Variants in SNED1 observed in about 807,000 individuals in gnomAD.
SNED1 encodes the protein sushi, nidogen and EGF like domains 1, also known as sushi, nidogen and EGF-like domain-containing protein 1.
Under a neutral mutation model 166.7 loss-of-function variants are expected in SNED1, and 81 were observed. The ratio of observed to expected loss-of-function variants is 0.49; its 90% CI spans 0.41 to 0.58. SNED1 has a LOEUF of 0.58. Among genes scored for constraint, SNED1 ranks in the 20% least tolerant of loss-of-function variants. The probability of loss-of-function intolerance (pLI) is 0.00; values close to 1 mark genes in which losing one functional copy is unlikely to be tolerated. For missense variants in SNED1, 1,604 were observed against 2,000.2 expected, an observed-to-expected ratio of 0.80 and a Z score of 3.78; for synonymous variants, 762 against 822.0, an observed-to-expected ratio of 0.93 and a Z score of 1.25.
In SNED1 at chr2:241,078,618, G is replaced by A. The variant is rs370927618; in HGVS notation, c.3917-3059G>A. Among the ~76,000 whole-genome samples the A allele has an allele frequency of 3.2e-4, 48 of 151,810 alleles. 1 individual carries two copies. In the East Asian group the frequency reaches 5.4e-3, roughly 17 times the overall value. ...CTCTAGTGACAGAAAGTACATTAGC[G>A]GTTGCTCAGGACTGGAGGGTGGAGG... On this transcript the variant is annotated intron_variant, in intron 27 of 31. Transcript: ENST00000310397.
rs773106421 is a variant in SNED1 at position 241,052,111 on chromosome 2, C to T, written c.1923C>T (p.Tyr641=). ...GGTCFHYIGK[Y]KCDCPPGFSG... ...CCTGCTTCCACTACATTGGCAAATACAAGTGTGACTGTCCCCCAGGCTTCT... is the reference window on the plus strand; with the variant it reads ...CCTGCTTCCACTACATTGGCAAATATAAGTGTGACTGTCCCCCAGGCTTCT... Residue 641 remains tyrosine, a synonymous_variant, in exon 14 of 32, where the codon TAC becomes TAT. Transcript: ENST00000310397. 1.2e-6 allele frequency: 2 copies of T among 1,613,898 alleles called. No homozygotes were observed. Among genetic ancestry groups the T allele is most frequent in the South Asian group, 2.2e-5 (2 of 91,074 alleles).
In SNED1 at chr2:241,073,412, C is replaced by G; in HGVS notation, c.3916+48C>G. Reference sequence around the variant, plus strand: ...GACTTTGGGACTGACTGACTGCTCTCAGGGGCCTTAGAGGCTGCAGGCAGG... The same window carrying G: ...GACTTTGGGACTGACTGACTGCTCTGAGGGGCCTTAGAGGCTGCAGGCAGG... On this transcript the variant is annotated intron_variant, in intron 27 of 31. Coordinates refer to ENST00000310397, the MANE Select transcript of SNED1 (RefSeq NM_001080437.3). The surrounding 1 kb of genome is among the most constrained non-coding windows in gnomAD (Gnocchi z 6.6). The G allele has an allele frequency of 6.8e-7, 1 of 1,461,624 alleles. No individual in the cohort carries two copies. Among genetic ancestry groups the G allele is most frequent in the Non-Finnish European group, 9.4e-7 (1 of 1,065,272 alleles). The allele number at this position is 1,461,624 out of a possible 1,614,324, so 90.5% of individuals were successfully genotyped here. A position where few individuals can be genotyped will look rare whatever the true frequency, so the allele number is the denominator to read the frequency against.
rs973281443 is a variant in SNED1 at position 241,051,027 on chromosome 2, C to T, written c.1736-717C>T. Among the ~76,000 whole-genome samples the T allele has an allele frequency of 4.6e-5, 7 of 152,208 alleles. No homozygotes were observed. Among genetic ancestry groups the T allele is most frequent in the African/African-American group, 1.7e-4 (7 of 41,446 alleles). On this transcript the variant is annotated intron_variant, in intron 12 of 31. Transcript: ENST00000310397. The surrounding 1 kb of genome is among the most constrained non-coding windows in gnomAD (Gnocchi z 4.7). ...TACGGAAGGGACAAGGATGGCTGTC[C>T]TCAGGGGTGGGGCAGCCAGAGCTTG...
At chr2:241,042,709 A>G (rs916851710) in intron 8 of SNED1, among the ~76,000 whole-genome samples, 6 of 152,238 alleles carry the variant, frequency 3.9e-5, no homozygotes, top group Non-Finnish European at 8.8e-5. Flanking sequence ...TGAAAAATAT[A>G]TCTGAGTTTT....
chr2:241,009,034 G>A (rs1209624264), intron 1 of SNED1, among the ~76,000 whole-genome samples: 1 of 152,266 alleles, frequency 6.6e-6, no homozygotes, highest in Non-Finnish European at 1.5e-5. Flanking sequence ...CTCACTGGGG[G>A]CAGGACATGG....
chr2:241,034,537 C>T, intron 3 of SNED1, 31 bp from the exon 4 acceptor site: 3 of 1,557,322 alleles, frequency 1.9e-6, no homozygotes, highest in Non-Finnish European at 2.6e-6. Flanking sequence ...GGGAACTGGC[C>T]TCCCTCACTC....
At chr2:241,084,475 T>A (rs151309848) in intron 29 of SNED1, among the ~76,000 whole-genome samples, 184 of 152,244 alleles carry the variant, frequency 1.2e-3, no homozygotes, top group African/African-American at 4.2e-3. Flanking sequence ...GGATTTACCA[T>A]ACACATCTTC....
At chr2:241,066,945 A>G (rs549595641) in intron 21 of SNED1, among the ~76,000 whole-genome samples, 1 of 152,150 alleles carries the variant, frequency 6.6e-6, no homozygotes, top group Non-Finnish European at 1.5e-5. Context: ...CACAGAGCAC[A>G]CCTCGGCCAG....
upstream of SNED1, among the ~76,000 whole-genome samples, chr2:240,998,576 C>T (rs1338388926): frequency 6.6e-6 from 1 of 152,082 alleles, no homozygotes; most frequent in African/African-American, 2.4e-5. Flanking sequence ...CCCGAGTGAC[C>T]GCCGGGCTGG....
chr2:241,084,120 T>C (rs1002587189), intron 29 of SNED1, among the ~76,000 whole-genome samples: 3 of 149,184 alleles, frequency 2.0e-5, no homozygotes, highest in Non-Finnish European at 4.4e-5. Context: ...TTCAATATGA[T>C]GGCAGCGTCT....
chr2:241,088,605 C>T, intron 31 of SNED1: 1 of 582,690 alleles, frequency 1.7e-6, no homozygotes, highest in Non-Finnish European at 3.0e-6. Flanking sequence ...CCTGGTCTAG[C>T]CACTGACAAA....
chr2:241,002,539 A>G (rs2060107013), intron 1 of SNED1, among the ~76,000 whole-genome samples: 1 of 152,044 alleles, frequency 6.6e-6, no homozygotes, highest in Admixed American at 6.6e-5. Flanking sequence ...AGCAGATGGA[A>G]GGGGATCCTG....
At chr2:241,061,765 G>C (rs930970906) in intron 16 of SNED1, among the ~76,000 whole-genome samples, 1 of 150,954 alleles carries the variant, frequency 6.6e-6, no homozygotes, top group Middle Eastern at 3.4e-3. Flanking sequence ...GGCGCCTTTA[G>C]TCCCAGCTAC....
chr2:241,080,324 T>G (rs995476376), intron 27 of SNED1, among the ~76,000 whole-genome samples: 2 of 152,204 alleles, frequency 1.3e-5, no homozygotes, highest in African/African-American at 4.8e-5. Context: ...TTGATTCTGT[T>G]AATTTGAAAT....
chr2:241,056,777 T>G (rs2062058054), intron 16 of SNED1, among the ~76,000 whole-genome samples: 1 of 150,962 alleles, frequency 6.6e-6, no homozygotes, highest in Non-Finnish European at 1.5e-5. Context: ...GAGACAGGGT[T>G]TCACCGTGTT....
intron 1 of SNED1, among the ~76,000 whole-genome samples, chr2:241,014,045 C>G (rs1355146476): frequency 6.6e-6 from 1 of 150,534 alleles, no homozygotes; most frequent in African/African-American, 2.5e-5. Flanking sequence ...GTCTCGCTGT[C>G]TTGTCCAGGC....
Position 241,065,613 on chromosome 2 carries a change from T to C in SNED1, c.3010+18T>C, listed in dbSNP as rs2125198665. On this transcript the variant is annotated intron_variant, in intron 21 of 31. Transcript: ENST00000310397. The stretch of plus-strand genomic sequence containing the variant: ...CCGCACGCGTGAGTGTCCCCGAGCC[T>C]GGCCGTCCCTGCCCAGCCCCTGCCC... 3 of 1,605,948 alleles carry C rather than the reference T, an allele frequency of 1.9e-6. No homozygotes were observed. In the South Asian group the frequency reaches 3.3e-5, roughly 18 times the overall value.
At chr2:241,042,278 AG>A (rs1473643073) in intron 8 of SNED1, among the ~76,000 whole-genome samples, 1 of 152,176 alleles carries the variant, frequency 6.6e-6, no homozygotes, top group African/African-American at 2.4e-5. Context: ...GAGCTCAAAC[AG>A]GGCTGGGAGT....
intron 27 of SNED1, among the ~76,000 whole-genome samples, chr2:241,078,306 C>T (rs1486390449): frequency 6.6e-6 from 1 of 150,946 alleles, no homozygotes; most frequent in Non-Finnish European, 1.5e-5. Context: ...TCGCTTGAAC[C>T]CGGGAGGTGG....
Sources: allele counts gnomAD v4.1 joint callset (sites outside exome capture counted in the v4.1 genomes callset), GRCh38; gene constraint gnomAD v4.1.1; non-coding constraint Gnocchi (gnomAD v3.1); transcripts MANE v1.5; gene names NCBI Gene and HGNC (gene_info 2026-07-23, HGNC 2026-07-21).